Variants in GUCY1A2 observed in about 807,000 individuals in gnomAD.
The protein encoded by GUCY1A2 is guanylate cyclase soluble subunit alpha-2.
Under a neutral mutation model 63.5 loss-of-function variants are expected in GUCY1A2, and 27 were observed. The ratio of observed to expected loss-of-function variants is 0.43; its 90% CI spans 0.31 to 0.59. The LOEUF (loss-of-function observed/expected upper bound fraction) is 0.59. Ranked by LOEUF, GUCY1A2 falls within the 20% of genes least tolerant of loss-of-function variation. GUCY1A2 has a pLI of 0.11. For missense variants in GUCY1A2, 768 were observed against 913.3 expected (o/e 0.84, Z 2.05); for synonymous variants, 364 against 343.5 (o/e 1.06, Z -0.66).
In GUCY1A2 at chr11:106,939,943, G is replaced by T; in HGVS notation, c.723C>A (p.His241Gln). ...TTGCAAACCCCACAATATGGTGAGGGTGGAAGTAGTGGAGCATGAGAGTAC... is the reference window on the plus strand; with the variant it reads ...TTGCAAACCCCACAATATGGTGAGGTTGGAAGTAGTGGAGCATGAGAGTAC... ...PEGTLMLHYF[H>Q]PHHIVGFAML... The change falls in exon 4 of 8, where the codon CAC becomes CAA. Residue 241 changes from histidine (H) to glutamine (Q), a missense_variant. His to Gln is a conservative substitution (Grantham distance 24). This residue lies in a region of GUCY1A2 where 496 missense variants were observed against 486.9 expected (regional missense o/e 1.02). Coordinates refer to ENST00000526355, the MANE Select transcript of GUCY1A2 (RefSeq NM_000855.3). 1 of 1,613,762 alleles carries T rather than the reference G, an allele frequency of 6.2e-7. No homozygotes were observed. Among genetic ancestry groups the T allele is most frequent in the South Asian group, 1.1e-5 (1 of 91,072 alleles).
intron 7 of GUCY1A2, among the ~76,000 whole-genome samples, chr11:106,692,892 C>A (rs1862650048): frequency 2.0e-5 from 3 of 152,210 alleles, no homozygotes; most frequent in Non-Finnish European, 4.4e-5. Flanking sequence ...ATAAACCTTG[C>A]TGAAATGAAT....
chr11:106,705,244 A>G (rs1259440810), intron 7 of GUCY1A2, among the ~76,000 whole-genome samples: 1 of 152,200 alleles, frequency 6.6e-6, no homozygotes. Context: ...TAAAATGATG[A>G]GCTAGAGCTG....
At chr11:106,979,741 C>G (rs1185197253) in intron 2 of GUCY1A2, among the ~76,000 whole-genome samples, 2 of 152,088 alleles carry the variant, frequency 1.3e-5, no homozygotes, top group East Asian at 1.9e-4. Context: ...AAGGCCAAAT[C>G]CTCCCACATT....
intron 1 of GUCY1A2, among the ~76,000 whole-genome samples, chr11:107,007,636 A>C (rs915639750): frequency 1.3e-5 from 2 of 152,124 alleles, no homozygotes; most frequent in African/African-American, 4.8e-5. Context: ...ACACCCAATA[A>C]CACTTCTTCC....
intron 4 of GUCY1A2, among the ~76,000 whole-genome samples, chr11:106,829,671 G>A (rs1859024581): frequency 6.6e-6 from 1 of 152,150 alleles, no homozygotes; most frequent in Non-Finnish European, 1.5e-5. Flanking sequence ...GTAAGTTAGG[G>A]AGGCTAAGAA....
intron 1 of GUCY1A2, among the ~76,000 whole-genome samples, chr11:107,011,455 T>C (rs1209787759): frequency 6.7e-6 from 1 of 149,928 alleles, no homozygotes; most frequent in East Asian, 1.9e-4. Context: ...CATCTTAGAG[T>C]CCTTAAAGGT....
intron 4 of GUCY1A2, among the ~76,000 whole-genome samples, chr11:106,830,859 CA>C (rs1451436732): frequency 6.6e-6 from 1 of 152,154 alleles, no homozygotes; most frequent in East Asian, 1.9e-4. Context: ...CCCACATATA[CA>C]TGTACACAAC....
intron 4 of GUCY1A2, chr11:106,826,831 G>A: frequency 6.2e-7 from 1 of 1,608,242 alleles, no homozygotes; most frequent in South Asian, 1.1e-5. Flanking sequence ...GTCACCGGCA[G>A]CATAGATATC....
chr11:106,950,263 AG>A (rs1860888003), intron 3 of GUCY1A2, among the ~76,000 whole-genome samples: 1 of 152,176 alleles, frequency 6.6e-6, no homozygotes, highest in African/African-American at 2.4e-5. Context: ...CAGGTGACAA[AG>A]GGCTCATCAC....
intron 3 of GUCY1A2, among the ~76,000 whole-genome samples, chr11:106,956,724 G>T (rs1860989630): frequency 6.6e-6 from 1 of 152,168 alleles, no homozygotes; most frequent in African/African-American, 2.4e-5. Flanking sequence ...CCTGTATAGG[G>T]TGTCTGACAA....
In GUCY1A2 at chr11:106,946,777, A is replaced by G. The variant is rs182644556; in HGVS notation, c.488-6599T>C. Among the ~76,000 whole-genome samples the G allele has an allele frequency of 6.6e-5, 10 of 152,316 alleles. No individual in the cohort carries two copies. In the South Asian group the frequency reaches 1.0e-3, roughly 16 times the overall value. On this transcript the variant is annotated intron_variant, in intron 3 of 7. Coordinates refer to ENST00000526355, the MANE Select transcript of GUCY1A2 (RefSeq NM_000855.3). ...TTTTTGGAGTGATGAAAATGTTCTA[A>G]AATTGATTGTAGTGATGGTTGCAAA...
At chr11:106,787,014 T>C (rs552425173) in intron 5 of GUCY1A2, among the ~76,000 whole-genome samples, 7 of 152,210 alleles carry the variant, frequency 4.6e-5, no homozygotes, top group African/African-American at 7.2e-5. Context: ...GTAATGTTAA[T>C]TGATGTCACA....
At chr11:106,892,116 T>C (rs1044549084) in intron 4 of GUCY1A2, among the ~76,000 whole-genome samples, 1 of 152,110 alleles carries the variant, frequency 6.6e-6, no homozygotes, top group East Asian at 1.9e-4. Flanking sequence ...TTATTTTAGG[T>C]ATTGGCATCC....
At chr11:106,774,039 A>G (rs1224008178) in intron 6 of GUCY1A2, among the ~76,000 whole-genome samples, 1 of 152,184 alleles carries the variant, frequency 6.6e-6, no homozygotes, top group Non-Finnish European at 1.5e-5. Context: ...CATAAAGTAC[A>G]ATACCAATTT....
At chr11:106,834,086 C>T (rs1482937585) in intron 4 of GUCY1A2, among the ~76,000 whole-genome samples, 2 of 151,852 alleles carry the variant, frequency 1.3e-5, no homozygotes, top group African/African-American at 4.8e-5. Flanking sequence ...TATTTAAGAT[C>T]TACTTTCTTA....
intron 4 of GUCY1A2, among the ~76,000 whole-genome samples, chr11:106,843,128 C>T (rs1859223511): frequency 6.6e-6 from 1 of 151,848 alleles, no homozygotes; most frequent in Non-Finnish European, 1.5e-5. Context: ...TAAGGCTCTG[C>T]TTGTGAAAAC....
intron 7 of GUCY1A2, among the ~76,000 whole-genome samples, chr11:106,703,334 T>G (rs923943336): frequency 1.3e-5 from 2 of 152,168 alleles, no homozygotes; most frequent in Non-Finnish European, 2.9e-5. Context: ...ATGGCAATGA[T>G]GAATTAAGGG....
At chr11:106,876,276 C>T (rs1050645742) in intron 4 of GUCY1A2, among the ~76,000 whole-genome samples, 1 of 151,852 alleles carries the variant, frequency 6.6e-6, no homozygotes, top group African/African-American at 2.4e-5. Flanking sequence ...GGTGTTAAGA[C>T]AGAGGGAAAG....
intron 1 of GUCY1A2, among the ~76,000 whole-genome samples, chr11:107,004,457 T>A (rs970638904): frequency 2.0e-5 from 3 of 152,166 alleles, no homozygotes; most frequent in Non-Finnish European, 2.9e-5. Flanking sequence ...GAGTTATTTT[T>A]AAATATTCTC....
Sources: allele counts gnomAD v4.1 joint callset (sites outside exome capture counted in the v4.1 genomes callset), GRCh38; gene constraint gnomAD v4.1.1; regional missense constraint gnomAD v4.1.1; transcripts MANE v1.5; gene names NCBI Gene and HGNC (gene_info 2026-07-23, HGNC 2026-07-21).